Variants in SLC12A3 observed in about 807,000 individuals in gnomAD.
SLC12A3 encodes Na-Cl cotransporter.
Under a neutral mutation model 121.0 loss-of-function variants are expected in SLC12A3, and 104 were observed. That is an observed-to-expected ratio of 0.86 (90% CI 0.73 to 1.01). SLC12A3 has a LOEUF of 1.01. Ranked by LOEUF, SLC12A3 falls within the 50% of genes least tolerant of loss-of-function variation. The probability of loss-of-function intolerance (pLI) is 0.00; values close to 1 mark genes in which losing one functional copy is unlikely to be tolerated. For synonymous variants in SLC12A3, 536 were observed against 533.4 expected, an observed-to-expected ratio of 1.00 and a Z score of -0.07; for missense variants, 1,328 against 1,356.3, an observed-to-expected ratio of 0.98 and a Z score of 0.33.
chr16:56,903,926 T>A (rs972626569), intron 24 of SLC12A3, among the ~76,000 whole-genome samples: 2 of 152,228 alleles, frequency 1.3e-5, no homozygotes, highest in African/African-American at 4.8e-5. Flanking sequence ...TTTTATAAAG[T>A]ATTTTTAGTG....
At chr16:56,874,397 G>A (rs1013783423) in intron 8 of SLC12A3, among the ~76,000 whole-genome samples, 3 of 152,200 alleles carry the variant, frequency 2.0e-5, no homozygotes, top group African/African-American at 7.2e-5. Context: ...GCAAGAGGGG[G>A]TGATGAATGG....
Position 56,899,557 on chromosome 16 carries a change from AC to A in SLC12A3, c.2662del (p.Leu888TrpfsTer27). On this transcript the variant is annotated frameshift_variant, in exon 23 of 26. Transcript: ENST00000563236. LOFTEE classifies it high-confidence loss of function. ...TCATTTCTCTGCTGAGCAAGTTCCG[AC>A]TGGGATTCCATGAAGTCCACATCCT... is the stretch of plus-strand genomic sequence containing the variant. ...AIISLLSKFR[L>X]GFHEVHILPD... The A allele has an allele frequency of 6.2e-7, 1 of 1,614,090 alleles. No individual in the cohort carries two copies. Among genetic ancestry groups the A allele is most frequent in the Non-Finnish European group, 8.5e-7 (1 of 1,179,936 alleles).
At chr16:56,908,520 G>C (rs1258722933) in intron 25 of SLC12A3, among the ~76,000 whole-genome samples, 1 of 151,924 alleles carries the variant, frequency 6.6e-6, no homozygotes, top group African/African-American at 2.4e-5. Flanking sequence ...TGTGACTTAA[G>C]GCATTAGAAA....
Position 56,887,911 on chromosome 16 carries a change from CT to C in SLC12A3, c.2179-13del, listed in dbSNP as rs768739898. ...CTCTGATGGGTTCCCCATCTCACCC[CT>C]ATCCCCTGGCAGGCCGCAGGTCTCG... On this transcript the variant is annotated splice_polypyrimidine_tract_variant and intron_variant, in intron 17 of 25. Coordinates refer to ENST00000563236, the MANE Select transcript of SLC12A3 (RefSeq NM_001126108.2). 4.4e-6 allele frequency: 7 copies of C among 1,606,594 alleles called. No individual in the cohort carries two copies. The highest frequency in any genetic ancestry group is 6.0e-6 in the Non-Finnish European group (7 of 1,175,328).
intron 21 of SLC12A3, 29 bp from the exon 22 acceptor site, chr16:56,894,502 T>C (rs2055435116): frequency 6.6e-7 from 1 of 1,523,742 alleles, no homozygotes; most frequent in Admixed American, 1.7e-5. Context: ...TGTATTCTTG[T>C]CATGACTCAC....
chr16:56,893,306 G>A (rs1377143868), intron 21 of SLC12A3, among the ~76,000 whole-genome samples: 2 of 152,356 alleles, frequency 1.3e-5, no homozygotes, highest in East Asian at 1.9e-4. Context: ...AGGGGCACAG[G>A]CAGGTGATAT....
Position 56,868,362 on chromosome 16 carries a change from G to C in SLC12A3, c.495G>C (p.Gln165His). The change falls in exon 3 of 26, where the codon CAG (glutamine) becomes CAC (histidine). Residue 165 changes from glutamine to histidine, a missense_variant. Gln to His is a conservative substitution (Grantham distance 24). Coordinates refer to ENST00000563236, the MANE Select transcript of SLC12A3 (RefSeq NM_001126108.2). Reference sequence around the variant, plus strand: ...TGCGGCTGCCCTGGATTACGGCCCAGGCAGGCATCGGTGAGTGCCCCTCTG... The same window carrying C: ...TGCGGCTGCCCTGGATTACGGCCCACGCAGGCATCGGTGAGTGCCCCTCTG... Reference protein sequence around the residue: ...LYLRLPWITAQAGIVLTWIII... With the variant: ...LYLRLPWITAHAGIVLTWIII... 3 of 1,612,902 alleles carry C rather than the reference G, an allele frequency of 1.9e-6. No individual in the cohort carries two copies. Among genetic ancestry groups the C allele is most frequent in the Non-Finnish European group, 2.5e-6 (3 of 1,179,614 alleles).
At chr16:56,907,400 G>A (rs1243843167) in intron 25 of SLC12A3, among the ~76,000 whole-genome samples, 1 of 151,526 alleles carries the variant, frequency 6.6e-6, no homozygotes, top group Non-Finnish European at 1.5e-5. Flanking sequence ...AGAGGTTGCC[G>A]TGAGCCAAGA....
chr16:56,913,436 C>T lies in SLC12A3; in HGVS notation c.*31C>T. ...GGCTTTGACATCCCTGTCCACAGCTCTGAGTGTGTGGGATAAGTTGGAACT... is the reference window on the plus strand; with the variant it reads ...GGCTTTGACATCCCTGTCCACAGCTTTGAGTGTGTGGGATAAGTTGGAACT... On this transcript the variant is annotated 3_prime_UTR_variant, in exon 26 of 26. Coordinates refer to ENST00000563236, the MANE Select transcript of SLC12A3 (RefSeq NM_001126108.2). The T allele has an allele frequency of 6.2e-7, 1 of 1,611,518 alleles. No individual in the cohort carries two copies. Among genetic ancestry groups the T allele is most frequent in the Non-Finnish European group, 8.5e-7 (1 of 1,177,612 alleles).
chr16:56,879,141 G>A lies in SLC12A3; in HGVS notation c.1249G>A (p.Glu417Lys), dbSNP rs368455032. 141 of 1,613,938 alleles carry A rather than the reference G, an allele frequency of 8.7e-5. No homozygotes were observed. The highest frequency in any genetic ancestry group is 8.7e-4 in the South Asian group (79 of 91,076). ...DTVTPGWGACEGLACSYGWNF... is the reference protein window; with the variant it reads ...DTVTPGWGACKGLACSYGWNF... ...AGTGACCCCTGGCTGGGGTGCCTGC[G>A]AGGGGCTGGCCTGCAGCTATGGCTG... Residue 417 changes from glutamate to lysine, a missense_variant, in exon 10 of 26, where the codon GAG becomes AAG. Glu to Lys is a moderately conservative substitution (Grantham distance 56, BLOSUM62 1). Transcript: ENST00000563236.
At chr16:56,888,686 G>A (rs530915615) in intron 18 of SLC12A3, among the ~76,000 whole-genome samples, 42 of 148,084 alleles carry the variant, frequency 2.8e-4, no homozygotes, top group Non-Finnish European at 4.9e-4. Flanking sequence ...AGCCTCTTGA[G>A]TAGCTGGGAC....
At chr16:56,886,217 T>G in intron 15 of SLC12A3, 147 bp from the exon 16 acceptor site, 1 of 625,204 alleles carries the variant, frequency 1.6e-6, no homozygotes, top group Non-Finnish European at 2.9e-6. Context: ...TCACCCTGGA[T>G]TTATAGGTGG....
chr16:56,900,834 C>T (rs190900417), intron 23 of SLC12A3, among the ~76,000 whole-genome samples: 37 of 152,224 alleles, frequency 2.4e-4, no homozygotes, highest in African/African-American at 8.7e-4. Flanking sequence ...CCCAGCCTAG[C>T]ATCTTATTTT....
chr16:56,869,863 G>T (rs369939495), intron 4 of SLC12A3, 39 bp downstream of exon 4: 71 of 1,569,018 alleles, frequency 4.5e-5, no homozygotes, highest in Non-Finnish European at 6.2e-5. Flanking sequence ...CTCCTCTCGT[G>T]GGCTCCTAAT....
chr16:56,882,580 G>A (rs2055256314), intron 13 of SLC12A3, 83 bp downstream of exon 13: 2 of 1,057,806 alleles, frequency 1.9e-6, no homozygotes, highest in Non-Finnish European at 3.0e-6. Flanking sequence ...TGGGAGGCAT[G>A]GGTGGAGGTT....
intron 24 of SLC12A3, 23 bp downstream of exon 24, chr16:56,902,531 G>GGCCC: frequency 8.4e-6 from 6 of 714,556 alleles, no homozygotes; most frequent in East Asian, 4.1e-5. Context: ...GTGGGGGTGG[G>GGCCC]AAACGCGACA....
chr16:56,893,182 G>T, intron 21 of SLC12A3, 128 bp downstream of exon 21: 1 of 716,468 alleles, frequency 1.4e-6, no homozygotes, highest in Non-Finnish European at 2.4e-6. Context: ...TGAGCTCAGG[G>T]GAGCCCAGAG....
At chr16:56,909,332 A>T (rs2055652605) in intron 25 of SLC12A3, among the ~76,000 whole-genome samples, 1 of 151,284 alleles carries the variant, frequency 6.6e-6, no homozygotes, top group Non-Finnish European at 1.5e-5. Context: ...AAAAAAAAGA[A>T]TCAGTCTCTC....
rs202152707 is a variant in SLC12A3 at position 56,888,022 on chromosome 16, G to C, written c.2276G>C (p.Gly759Ala). The stretch of plus-strand genomic sequence containing the variant: ...CCGGCCACAGTGGAAGACTACATTG[G>C]CATCCTCCAGTGAGTCGGGGGAGAG... ...AHPATVEDYI[G>A]ILHDAFDFNY... is the part of the protein sequence containing the mutation. Residue 759 changes from glycine (G) to alanine (A), a missense_variant, in exon 18 of 26, where the codon GGC becomes GCC. Physicochemically the swap from Gly to Ala is moderately conservative, Grantham distance 60 (BLOSUM62 0). Transcript: ENST00000563236. The C allele has an allele frequency of 2.5e-6, 4 of 1,608,616 alleles. No individual in the cohort carries two copies. The Middle Eastern group carries it at 5.0e-4, about 200-fold the overall frequency.
Sources: gnomAD v4.1 joint callset for allele counts (sites outside exome capture counted in the v4.1 genomes callset) on GRCh38, gnomAD v4.1.1 for gene constraint, MANE v1.5 for transcripts, NCBI Gene and HGNC (gene_info 2026-07-23, HGNC 2026-07-21) for gene names.